The following SULF2 variants were observed in gnomAD, a reference collection of about 807,000 sequenced individuals.
The protein encoded by SULF2 is sulfatase 2, also known as extracellular sulfatase Sulf-2.
A neutral mutation model predicts 107.7 loss-of-function variants in SULF2; 52 were observed. The observed-to-expected ratio is 0.48, with a 90% CI of 0.39 to 0.61. The LOEUF (loss-of-function observed/expected upper bound fraction) is 0.61. Ranked by LOEUF, SULF2 falls within the 20% of genes least tolerant of loss-of-function variation. The pLI is 0.00. For synonymous variants in SULF2, 460 were observed against 464.3 expected, an observed-to-expected ratio of 0.99 and a Z score of 0.12; for missense variants, 993 against 1,177.3, an observed-to-expected ratio of 0.84 and a Z score of 2.29.
intron 2 of SULF2, among the ~76,000 whole-genome samples, chr20:47,755,554 T>C (rs1354250902): frequency 1.3e-5 from 2 of 152,110 alleles, no homozygotes; most frequent in Non-Finnish European, 2.9e-5. Context: ...CCCACATACC[T>C]AACCCATTGA....
chr20:47,664,671 A>G (rs2087202083), intron 14 of SULF2, among the ~76,000 whole-genome samples: 1 of 152,240 alleles, frequency 6.6e-6, no homozygotes, highest in African/African-American at 2.4e-5. Flanking sequence ...GCTGTCCAGT[A>G]TGGTAGCCAC....
chr20:47,659,480 G>A, intron 19 of SULF2, 28 bp from the exon 20 acceptor site: 1 of 1,611,838 alleles, frequency 6.2e-7, no homozygotes, highest in Non-Finnish European at 8.5e-7. Flanking sequence ...AAAGGAGAAT[G>A]AATGTTAACC....
At chr20:47,762,818 C>A (rs890905981) in intron 1 of SULF2, among the ~76,000 whole-genome samples, 1 of 152,236 alleles carries the variant, frequency 6.6e-6, no homozygotes, top group Non-Finnish European at 1.5e-5. Flanking sequence ...GAGCACCCCC[C>A]ACTCCTGGGC....
At chr20:47,665,761 C>A in intron 13 of SULF2, 96 bp downstream of exon 13, 2 of 1,014,064 alleles carry the variant, frequency 2.0e-6, no homozygotes, top group Non-Finnish European at 1.5e-6. Flanking sequence ...CCAGCCTCTT[C>A]CCTGGGTCTG....
At chr20:47,764,306 A>C (rs921338268) in intron 1 of SULF2, among the ~76,000 whole-genome samples, 3 of 152,184 alleles carry the variant, frequency 2.0e-5, no homozygotes, top group Non-Finnish European at 2.9e-5. Context: ...TTTTGTTCAG[A>C]TCTATATCCT....
At chr20:47,711,392 C>A (rs1318363466) in intron 3 of SULF2, among the ~76,000 whole-genome samples, 1 of 152,228 alleles carries the variant, frequency 6.6e-6, no homozygotes, top group Non-Finnish European at 1.5e-5. Context: ...CTGCTATGCA[C>A]GTGGATGAAC....
Position 47,659,688 on chromosome 20 carries a change from A to C in SULF2, c.2528+9T>G. 1.2e-6 allele frequency: 2 copies of C among 1,610,566 alleles called. No individual in the cohort carries two copies. The highest frequency in any genetic ancestry group is 1.7e-6 in the Non-Finnish European group (2 of 1,177,126). ...ACTTTGTTTAGGCTTTAATAATAAA[A>C]CGAAATACCTGTATTGCTCATAGCT... On this transcript the variant is annotated intron_variant, in intron 19 of 20. Transcript: ENST00000688720.
intron 9 of SULF2, chr20:47,676,839 TTAAA>T (rs2087657695): frequency 9.0e-6 from 6 of 669,550 alleles, no homozygotes; most frequent in Non-Finnish European, 1.0e-5. Context: ...TGGCAATAAA[TTAAA>T]TAAATTGAAG....
At chr20:47,663,049 T>C in intron 17 of SULF2, 21 bp downstream of exon 17, 2 of 1,613,936 alleles carry the variant, frequency 1.2e-6, no homozygotes, top group Middle Eastern at 1.6e-4. Context: ...CCCCCATCCC[T>C]CTAGCTCGGG....
chr20:47,695,856 G>A lies in SULF2; in HGVS notation c.568-5561C>T, dbSNP rs9305100. On this transcript the variant is annotated intron_variant, in intron 4 of 20. Coordinates refer to ENST00000688720, the MANE Select transcript of SULF2 (RefSeq NM_001387048.1). Reference sequence around the variant, plus strand: ...TCGAACTCCTGGCCTCAAGTGATCCGCCTGGTTTGGCCTCCCAAAGTGCTG... The same window carrying A: ...TCGAACTCCTGGCCTCAAGTGATCCACCTGGTTTGGCCTCCCAAAGTGCTG... Among the ~76,000 whole-genome samples the A allele has an allele frequency of 7.4e-3, 1,124 of 152,288 alleles. 17 individuals carry two copies. The highest frequency in any genetic ancestry group is 0.026 in the African/African-American group (1,081 of 41,552).
chr20:47,658,327 C>T lies in SULF2; in HGVS notation c.*35G>A. 7 of 1,611,866 alleles carry T rather than the reference C, an allele frequency of 4.3e-6. No individual in the cohort carries two copies. Among genetic ancestry groups the T allele is most frequent in the Non-Finnish European group, 5.9e-6 (7 of 1,177,922 alleles). On this transcript the variant is annotated 3_prime_UTR_variant, in exon 21 of 21. Transcript: ENST00000688720. ...TCATTGCCTGTGCAGTCAGGTGATG[C>T]CTCTATGTTTTTGGAGGTCCACCTC...
chr20:47,673,646 C>T (rs1178906623), intron 10 of SULF2, among the ~76,000 whole-genome samples: 1 of 152,248 alleles, frequency 6.6e-6, no homozygotes, highest in African/African-American at 2.4e-5. Context: ...CCTCCCATCC[C>T]CTTCAATGCA....
chr20:47,747,000 T>A (rs113740492), intron 2 of SULF2, among the ~76,000 whole-genome samples: 1,920 of 113,118 alleles, frequency 0.017, 10 homozygotes, highest in Middle Eastern at 0.026. Flanking sequence ...AAAAAATATA[T>A]ATATATATAT....
chr20:47,725,171 G>A (rs1470937505), intron 3 of SULF2, among the ~76,000 whole-genome samples: 2 of 152,186 alleles, frequency 1.3e-5, no homozygotes, highest in Non-Finnish European at 2.9e-5. Flanking sequence ...ATCCTTTGGC[G>A]TAGCACTGTC....
rs756201574 is a variant in SULF2 at position 47,683,112 on chromosome 20, C to A, written c.946G>T (p.Ala316Ser). 4 of 1,613,380 alleles carry A rather than the reference C, an allele frequency of 2.5e-6. No homozygotes were observed. The highest frequency in any genetic ancestry group is 3.4e-6 in the Non-Finnish European group (4 of 1,179,816). Residue 316 changes from alanine to serine, a missense_variant, in exon 7 of 21, where the codon GCC (alanine) becomes TCC (serine). Ala to Ser is a moderately conservative substitution (Grantham distance 99). Coordinates refer to ENST00000688720, the MANE Select transcript of SULF2 (RefSeq NM_001387048.1). The part of the protein sequence containing the change: ...ELDNTYIVYT[A>S]DHGYHIGQFG... ...TGGCCGATGTGGTAACCGTGGTCGG[C>A]GGTGTATACGATGTACGTGTTGTCC... is the stretch of plus-strand genomic sequence containing the variant.
rs11473246 is a variant in SULF2 at position 47,768,882 on chromosome 20, G to GTT, written c.-100-11421_-100-11420dup. ...GGCCTGAGTTTGTGTTTGTGTGCGT[G>GTT]TTTTTTTTTTTTTTTTTGAGATGGA... On this transcript the variant is annotated intron_variant, in intron 1 of 20. Coordinates refer to ENST00000688720, the MANE Select transcript of SULF2 (RefSeq NM_001387048.1). Among the ~76,000 whole-genome samples, 518 of 127,454 alleles carry GTT rather than the reference G, an allele frequency of 4.1e-3. 9 individuals carry two copies. Among genetic ancestry groups the GTT allele is most frequent in the African/African-American group, 0.012 (407 of 34,466 alleles). The allele number at this position is 127,454 out of a possible 152,430, so 83.6% of individuals were successfully genotyped here.
intron 11 of SULF2, among the ~76,000 whole-genome samples, chr20:47,668,341 A>C (rs537070846): frequency 5.0e-4 from 76 of 152,340 alleles, no homozygotes; most frequent in African/African-American, 1.8e-3. Flanking sequence ...CGCAGGGCTG[A>C]GTTGCAAAGC....
chr20:47,736,968 C>A, intron 2 of SULF2, 26 bp from the exon 3 acceptor site: 1 of 1,613,204 alleles, frequency 6.2e-7, no homozygotes, highest in African/African-American at 1.3e-5. Context: ...GGAAGTAAGG[C>A]GCAGGGCAGG....
At chr20:47,780,623 A>G (rs1759988) in intron 1 of SULF2, among the ~76,000 whole-genome samples, 16,712 of 151,960 alleles carry the variant, frequency 0.11, 1,372 homozygotes, top group East Asian at 0.46. Context: ...GTGCGATCTC[A>G]GCTCACTGCA....
Sources: gnomAD v4.1 joint callset for allele counts (sites outside exome capture counted in the v4.1 genomes callset) on GRCh38, gnomAD v4.1.1 for gene constraint, MANE v1.5 for transcripts, NCBI Gene and HGNC (gene_info 2026-07-23, HGNC 2026-07-21) for gene names.